ERBB4: variants seen among roughly 807,000 people sequenced by gnomAD.
The protein encoded by ERBB4 is receptor tyrosine-protein kinase erbB-4.
A neutral mutation model predicts 158.0 loss-of-function variants in ERBB4; 42 were observed. That is an observed-to-expected ratio of 0.27 (90% CI 0.21 to 0.34). The LOEUF is 0.34. ERBB4 is among the 10% of genes least tolerant of loss of function. ERBB4 has a pLI of 1.00. For missense variants in ERBB4, 1,333 were observed against 1,624.1 expected (o/e 0.82, Z 3.08); for synonymous variants, 583 against 558.7 (o/e 1.04, Z -0.61).
chr2:211,758,801 T>C (rs2075342699), intron 4 of ERBB4, among the ~76,000 whole-genome samples: 1 of 152,332 alleles, frequency 6.6e-6, no homozygotes, highest in South Asian at 2.1e-4. Context: ...TTCAGCTATA[T>C]GTAGTGGTGG....
At chr2:211,720,138 C>T (rs1428932229) in intron 7 of ERBB4, among the ~76,000 whole-genome samples, 2 of 152,136 alleles carry the variant, frequency 1.3e-5, no homozygotes, top group African/African-American at 4.8e-5. Flanking sequence ...AAAAGTTGTT[C>T]CCGGTAACCG....
intron 7 of ERBB4, among the ~76,000 whole-genome samples, chr2:211,721,443 CAAAAAAA>C (rs71054136): frequency 2.9e-4 from 16 of 54,494 alleles, no homozygotes; most frequent in Admixed American, 1.4e-3. Flanking sequence ...TTACTCAAAG[CAAAAAAA>C]AAAAAAAAAA....
At chr2:211,569,583 T>C (rs2067652983) in intron 19 of ERBB4, among the ~76,000 whole-genome samples, 1 of 152,088 alleles carries the variant, frequency 6.6e-6, no homozygotes, top group Admixed American at 6.5e-5. Context: ...GTCGCAGAGC[T>C]ACTTTAGATA....
intron 1 of ERBB4, among the ~76,000 whole-genome samples, chr2:212,202,050 G>A (rs1356383837): frequency 2.0e-5 from 3 of 152,286 alleles, no homozygotes; most frequent in South Asian, 4.1e-4. Context: ...TTCATGAAAT[G>A]TTTGCTAAAT....
chr2:211,818,658 G>T (rs1424877159), intron 3 of ERBB4, among the ~76,000 whole-genome samples: 2 of 151,984 alleles, frequency 1.3e-5, no homozygotes, highest in Non-Finnish European at 2.9e-5. Context: ...TGATAATTCA[G>T]GCATTAGCTC....
chr2:212,091,083 C>T (rs1220436351), intron 2 of ERBB4, among the ~76,000 whole-genome samples: 1 of 151,916 alleles, frequency 6.6e-6, no homozygotes, highest in Non-Finnish European at 1.5e-5. Context: ...TGACACATAC[C>T]TGACTTTCTG....
At chr2:211,829,086 T>C (rs1215278221) in intron 3 of ERBB4, among the ~76,000 whole-genome samples, 1 of 152,092 alleles carries the variant, frequency 6.6e-6, no homozygotes, top group Non-Finnish European at 1.5e-5. Context: ...TTTCATTAGT[T>C]ACTTAATTAG....
intron 2 of ERBB4, among the ~76,000 whole-genome samples, chr2:212,090,336 T>C (rs549534298): frequency 6.6e-6 from 1 of 152,326 alleles, no homozygotes; most frequent in Non-Finnish European, 1.5e-5. Context: ...CTATATTTCT[T>C]GAAACCTCTT....
chr2:211,444,040 C>T (rs2064051063), intron 20 of ERBB4, among the ~76,000 whole-genome samples: 1 of 152,028 alleles, frequency 6.6e-6, no homozygotes, highest in Non-Finnish European at 1.5e-5. Context: ...AACCACATCT[C>T]CTGATAATGC....
intron 2 of ERBB4, among the ~76,000 whole-genome samples, chr2:211,982,173 T>G (rs7563378): frequency 0.73 from 111,259 of 151,738 alleles, 41,733 homozygotes; most frequent in Middle Eastern, 0.83. Context: ...TATAGCTTTA[T>G]AGAGATTCAT....
At chr2:211,533,102 T>C (rs1184831163) in intron 20 of ERBB4, among the ~76,000 whole-genome samples, 1 of 151,884 alleles carries the variant, frequency 6.6e-6, no homozygotes, top group African/African-American at 2.4e-5. Context: ...CCTTCCTTTT[T>C]TCATTTTGTA....
intron 4 of ERBB4, among the ~76,000 whole-genome samples, chr2:211,761,561 A>G (rs568159895): frequency 9.7e-4 from 147 of 152,218 alleles, no homozygotes; most frequent in African/African-American, 3.4e-3. Flanking sequence ...CTAGTCAAAC[A>G]TTTTTGTTCT....
chr2:212,182,176 A>C (rs1025225631), intron 1 of ERBB4, among the ~76,000 whole-genome samples: 1 of 151,832 alleles, frequency 6.6e-6, no homozygotes, highest in African/African-American at 2.4e-5. Context: ...GAGTTCATTT[A>C]ATCCAAATAC....
At chr2:212,246,771 C>T (rs140879149) in intron 1 of ERBB4, among the ~76,000 whole-genome samples, 131 of 152,190 alleles carry the variant, frequency 8.6e-4, no homozygotes, top group Middle Eastern at 6.8e-3. Context: ...AAGAAAGGCA[C>T]CAGGGAAGGA....
chr2:212,017,547 G>A (rs1191258498), intron 2 of ERBB4, among the ~76,000 whole-genome samples: 1 of 152,124 alleles, frequency 6.6e-6, no homozygotes, highest in African/African-American at 2.4e-5. Flanking sequence ...AGTTGTGAAT[G>A]CAAAGGCCAT....
At chr2:211,809,383 T>C (rs539877978) in intron 3 of ERBB4, among the ~76,000 whole-genome samples, 2 of 152,322 alleles carry the variant, frequency 1.3e-5, no homozygotes, top group African/African-American at 4.8e-5. Flanking sequence ...TATTGGTCTA[T>C]TCAGAGATTC....
At chr2:211,500,937 G>C (rs892717279) in intron 20 of ERBB4, among the ~76,000 whole-genome samples, 1 of 151,898 alleles carries the variant, frequency 6.6e-6, no homozygotes, top group Non-Finnish European at 1.5e-5. Flanking sequence ...ATTTCAAAAA[G>C]AAACATTTTT....
chr2:211,830,685 C>A (rs1415587455), intron 3 of ERBB4, among the ~76,000 whole-genome samples: 1 of 151,676 alleles, frequency 6.6e-6, no homozygotes, highest in Non-Finnish European at 1.5e-5. Context: ...ATATTTTTAT[C>A]AATGCAATAA....
intron 1 of ERBB4, among the ~76,000 whole-genome samples, chr2:212,268,527 G>A (rs936718148): frequency 1.3e-5 from 2 of 151,796 alleles, no homozygotes; most frequent in Non-Finnish European, 2.9e-5. Flanking sequence ...AAAGAATAAA[G>A]TAAAAACATT....
Sources: gnomAD v4.1 joint callset for allele counts (sites outside exome capture counted in the v4.1 genomes callset) on GRCh38, gnomAD v4.1.1 for gene constraint, MANE v1.5 for transcripts, NCBI Gene and HGNC (gene_info 2026-07-23, HGNC 2026-07-21) for gene names.